The following CTNNAL1 variants were observed in gnomAD, a reference collection of about 807,000 sequenced individuals.
CTNNAL1 encodes alpha-catulin.
CTNNAL1 carries 69 observed loss-of-function variants against 93.6 expected under a neutral mutation model. That is an observed-to-expected ratio of 0.74 (90% CI 0.61 to 0.90). The LOEUF (loss-of-function observed/expected upper bound fraction) is 0.90. Ranked by LOEUF, CTNNAL1 falls within the 40% of genes least tolerant of loss-of-function variation. The probability of loss-of-function intolerance (pLI) is 0.00; values close to 1 mark genes in which losing one functional copy is unlikely to be tolerated. For missense variants in CTNNAL1, 836 were observed against 862.0 expected (o/e 0.97, Z 0.38); for synonymous variants, 286 against 305.4 (o/e 0.94, Z 0.66).
At position 108,943,663 on chromosome 9, in the gene CTNNAL1, A is replaced by G. The variant is rs750436951; in HGVS notation, c.2055+40T>C. ...GAAGAAAAAGGGGCTTTAACCAGATAAAGATAGATGTGTGAAAGTTTTTCA... is the reference window on the plus strand; with the variant it reads ...GAAGAAAAAGGGGCTTTAACCAGATGAAGATAGATGTGTGAAAGTTTTTCA... On this transcript the variant is annotated intron_variant, in intron 17 of 18. Coordinates refer to ENST00000325551, the MANE Select transcript of CTNNAL1 (RefSeq NM_003798.4). 1.9e-6 allele frequency: 3 copies of G among 1,546,472 alleles called. No homozygotes were observed. The South Asian group carries it at 3.6e-5, about 19-fold the overall frequency.
At chr9:109,008,361 G>A (rs769213515) in intron 1 of CTNNAL1, among the ~76,000 whole-genome samples, 5 of 151,854 alleles carry the variant, frequency 3.3e-5, no homozygotes, top group Non-Finnish European at 7.4e-5. Context: ...TGGTCAGGCA[G>A]GTCTCAAACT....
At chr9:109,010,121 C>G (rs1489861487) in intron 1 of CTNNAL1, among the ~76,000 whole-genome samples, 1 of 152,130 alleles carries the variant, frequency 6.6e-6, no homozygotes, top group Non-Finnish European at 1.5e-5. Flanking sequence ...CTGCTGGGCT[C>G]AAGCCATCCT....
At chr9:108,969,657 C>A (rs1831054353) in intron 10 of CTNNAL1, among the ~76,000 whole-genome samples, 1 of 151,844 alleles carries the variant, frequency 6.6e-6, no homozygotes, top group South Asian at 2.1e-4. Flanking sequence ...CTGATTGGAT[C>A]TTTTTTTCCC....
intron 6 of CTNNAL1, among the ~76,000 whole-genome samples, chr9:108,980,330 C>T (rs1167951489): frequency 6.6e-6 from 1 of 152,118 alleles, no homozygotes; most frequent in Admixed American, 6.6e-5. Context: ...CCATTTCAAC[C>T]CTGTAAAACA....
At chr9:108,981,178 T>G (rs924951122) in intron 6 of CTNNAL1, among the ~76,000 whole-genome samples, 4 of 152,246 alleles carry the variant, frequency 2.6e-5, no homozygotes, top group Non-Finnish European at 5.9e-5. Flanking sequence ...GAAAGATGTC[T>G]CTCACTTGAC....
rs1831861947 is a variant in CTNNAL1 at position 108,992,801 on chromosome 9, A to G, written c.350T>C (p.Leu117Pro). Residue 117 changes from leucine to proline, a missense_variant, in exon 3 of 19, where the codon CTT (leucine) becomes CCT (proline). By Grantham distance (98) the Leu-to-Pro change is moderately conservative. Coordinates refer to ENST00000325551, the MANE Select transcript of CTNNAL1 (RefSeq NM_003798.4). ...AKQAGETIAA[L>P]TDITNLNHLE... Reference sequence around the variant, plus strand: ...ATGGTTCAAGTTGGTTATGTCTGTAAGTGCTGCAATTGTTTCTCCTAACAA... The same window carrying G: ...ATGGTTCAAGTTGGTTATGTCTGTAGGTGCTGCAATTGTTTCTCCTAACAA... The G allele has an allele frequency of 6.2e-7, 1 of 1,609,828 alleles. No homozygotes were observed. The highest frequency in any genetic ancestry group is 1.1e-5 in the South Asian group (1 of 89,960).
chr9:109,008,983 C>T (rs1587999482), intron 1 of CTNNAL1, among the ~76,000 whole-genome samples: 1 of 148,978 alleles, frequency 6.7e-6, no homozygotes, highest in South Asian at 2.2e-4. Context: ...CAGGCTTAAC[C>T]TCCCCAGCTC....
intron 1 of CTNNAL1, among the ~76,000 whole-genome samples, chr9:109,001,380 T>C (rs897738564): frequency 1.3e-5 from 2 of 152,172 alleles, no homozygotes; most frequent in African/African-American, 4.8e-5. Flanking sequence ...ATCTCTGTAG[T>C]GGTTTTAAAA....
At position 108,992,811 on chromosome 9, in the gene CTNNAL1, T is replaced by C. The variant is rs1831863068; in HGVS notation, c.340A>G (p.Ile114Val). Residue 114 changes from isoleucine (I) to valine (V), a missense_variant, in exon 3 of 19, where the codon ATT (isoleucine) becomes GTT (valine). Ile to Val is a conservative substitution (Grantham distance 29). Transcript: ENST00000325551. ...TTGGTTATGTCTGTAAGTGCTGCAATTGTTTCTCCTAACAAGAAAGACGAG... is the reference window on the plus strand; with the variant it reads ...TTGGTTATGTCTGTAAGTGCTGCAACTGTTTCTCCTAACAAGAAAGACGAG... The part of the protein sequence containing the change: ...CIEAKQAGET[I>V]AALTDITNLN... The C allele has an allele frequency of 1.2e-6, 2 of 1,605,404 alleles. No individual in the cohort carries two copies. The highest frequency in any genetic ancestry group is 1.7e-6 in the Non-Finnish European group (2 of 1,176,990).
At chr9:108,977,705 G>A (rs754509683) in intron 7 of CTNNAL1, among the ~76,000 whole-genome samples, 2 of 152,076 alleles carry the variant, frequency 1.3e-5, no homozygotes, top group Non-Finnish European at 2.9e-5. Flanking sequence ...ATGGTAGGTC[G>A]TAGATATTCA....
chr9:108,944,324 C>T (rs181701812), intron 15 of CTNNAL1, among the ~76,000 whole-genome samples: 148 of 152,276 alleles, frequency 9.7e-4, no homozygotes, highest in Middle Eastern at 3.4e-3. Context: ...GTCTAGATTA[C>T]GCAAGGGACC....
chr9:108,992,902 C>G, intron 2 of CTNNAL1, 83 bp from the exon 3 acceptor site: 1 of 1,406,318 alleles, frequency 7.1e-7, no homozygotes, highest in Non-Finnish European at 9.4e-7. Context: ...AGGTAAGGCA[C>G]AATGAGGAGA....
chr9:108,958,730 C>G (rs1215988841), intron 11 of CTNNAL1, among the ~76,000 whole-genome samples: 1 of 151,062 alleles, frequency 6.6e-6, no homozygotes, highest in Non-Finnish European at 1.5e-5. Flanking sequence ...TTATTTCCCA[C>G]TTCTTTTTTT....
intron 8 of CTNNAL1, among the ~76,000 whole-genome samples, chr9:108,976,456 A>G (rs144965470): frequency 2.0e-5 from 3 of 152,312 alleles, no homozygotes; most frequent in African/African-American, 7.2e-5. Flanking sequence ...AGTGATGAAA[A>G]TTCATGTGCA....
chr9:108,972,101 G>A (rs2132130966), intron 9 of CTNNAL1, among the ~76,000 whole-genome samples: 1 of 152,238 alleles, frequency 6.6e-6, no homozygotes, highest in South Asian at 2.1e-4. Flanking sequence ...GCTCCTCCCG[G>A]GAGGGTCACC....
At chr9:108,954,711 G>A (rs975135586) in intron 12 of CTNNAL1, among the ~76,000 whole-genome samples, 1 of 152,128 alleles carries the variant, frequency 6.6e-6, no homozygotes, top group East Asian at 1.9e-4. Flanking sequence ...GCTACATTCA[G>A]TTCCTAATGT....
At chr9:109,008,029 A>C (rs1180685803) in intron 1 of CTNNAL1, among the ~76,000 whole-genome samples, 1 of 152,094 alleles carries the variant, frequency 6.6e-6, no homozygotes, top group African/African-American at 2.4e-5. Context: ...TCAGTGACAG[A>C]GTATATCATT....
At chr9:109,003,180 T>A (rs964780694) in intron 1 of CTNNAL1, among the ~76,000 whole-genome samples, 26 of 152,028 alleles carry the variant, frequency 1.7e-4, no homozygotes, top group African/African-American at 6.0e-4. Flanking sequence ...AAACAACAGA[T>A]CTCCCAAGAA....
At chr9:109,002,772 T>C (rs1242772751) in intron 1 of CTNNAL1, among the ~76,000 whole-genome samples, 2 of 151,310 alleles carry the variant, frequency 1.3e-5, no homozygotes, top group African/African-American at 4.9e-5. Flanking sequence ...TCACCTGAGG[T>C]TGGGAGTTCG....
Sources: allele counts gnomAD v4.1 joint callset (sites outside exome capture counted in the v4.1 genomes callset), GRCh38; gene constraint gnomAD v4.1.1; transcripts MANE v1.5; gene names NCBI Gene and HGNC (gene_info 2026-07-23, HGNC 2026-07-21).